ADGRG6: variants seen among roughly 807,000 people sequenced by gnomAD.
ADGRG6 encodes adhesion G protein-coupled receptor G6.
Under a neutral mutation model 142.4 loss-of-function variants are expected in ADGRG6, and 84 were observed. The observed-to-expected ratio is 0.59, with a 90% CI of 0.49 to 0.71. The LOEUF is 0.71. Ranked by LOEUF, ADGRG6 falls within the 30% of genes least tolerant of loss-of-function variation. The pLI is 0.00. For missense variants in ADGRG6, 1,367 were observed against 1,466.6 expected (o/e 0.93, Z 1.11); for synonymous variants, 521 against 520.5 (o/e 1.00, Z -0.01).
chr6:142,367,896 C>G lies in ADGRG6; in HGVS notation c.431C>G (p.Ala144Gly). The change falls in exon 3 of 25, where the codon GCC (alanine) becomes GGC (glycine). Residue 144 changes from alanine (A) to glycine (G), a missense_variant. By Grantham distance (60) the Ala-to-Gly change is moderately conservative. Coordinates refer to ENST00000367609, the MANE Select transcript of ADGRG6 (RefSeq NM_198569.3). ...AGCATCCAGAAGAAAGGTTTCAATGCCAGCTACATCAGAGGTATGTAAACC... is the reference window on the plus strand; with the variant it reads ...AGCATCCAGAAGAAAGGTTTCAATGGCAGCTACATCAGAGGTATGTAAACC... ...DFSIQKKGFN[A>G]SYIRVAVSLR... is the part of the protein sequence containing the mutation. 1 of 1,600,328 alleles carries G rather than the reference C, an allele frequency of 6.2e-7. No individual in the cohort carries two copies. The highest frequency in any genetic ancestry group is 1.1e-5 in the South Asian group (1 of 90,834).
intron 2 of ADGRG6, among the ~76,000 whole-genome samples, chr6:142,347,195 C>T (rs1278444661): frequency 6.6e-6 from 1 of 151,944 alleles, no homozygotes; most frequent in African/African-American, 2.4e-5. Context: ...TGTCACTGTC[C>T]AAGAGGGAAC....
intron 2 of ADGRG6, among the ~76,000 whole-genome samples, chr6:142,340,958 A>G (rs924195079): frequency 6.6e-6 from 1 of 152,066 alleles, no homozygotes; most frequent in Non-Finnish European, 1.5e-5. Context: ...ACTTGCATAG[A>G]AAATAATAGT....
At chr6:142,401,292 C>T (rs2115014161) in intron 11 of ADGRG6, among the ~76,000 whole-genome samples, 1 of 152,290 alleles carries the variant, frequency 6.6e-6, no homozygotes, top group African/African-American at 2.4e-5. Context: ...TCCATCTCTT[C>T]CTGGCTGTGA....
At chr6:142,371,484 G>GTTTTT (rs1273994234) in intron 4 of ADGRG6, among the ~76,000 whole-genome samples, 2 of 93,184 alleles carry the variant, frequency 2.1e-5, no homozygotes, top group South Asian at 3.2e-4. Context: ...GTTTTTTTTT[G>GTTTTT]TTTTTTTTTT....
At chr6:142,390,420 AT>A in intron 7 of ADGRG6, 77 bp downstream of exon 7, 1 of 741,268 alleles carries the variant, frequency 1.3e-6, no homozygotes, top group East Asian at 2.6e-5. Context: ...AGTTAACTGA[AT>A]CCACAGATCA....
chr6:142,338,632 T>C (rs1378100032), intron 2 of ADGRG6, among the ~76,000 whole-genome samples: 4 of 152,084 alleles, frequency 2.6e-5, no homozygotes, highest in Non-Finnish European at 5.9e-5. Flanking sequence ...ATTTATTTTC[T>C]TTGATATCAT....
intron 2 of ADGRG6, among the ~76,000 whole-genome samples, chr6:142,365,319 G>C (rs770785800): frequency 2.4e-4 from 37 of 152,140 alleles, no homozygotes; most frequent in Non-Finnish European, 4.4e-5. Context: ...TGGTTATACT[G>C]CATGGAGTCT....
intron 22 of ADGRG6, among the ~76,000 whole-genome samples, chr6:142,422,453 T>C (rs1776708135): frequency 6.6e-6 from 1 of 152,120 alleles, no homozygotes; most frequent in African/African-American, 2.4e-5. Context: ...CTGAGAATGA[T>C]GATTTCCAAT....
At position 142,314,089 on chromosome 6, in the gene ADGRG6, C is replaced by T. The variant is rs150692750; in HGVS notation, c.103+4445C>T. 7.9e-5 allele frequency among the ~76,000 whole-genome samples: 12 copies of T among 152,304 alleles called. No individual in the cohort carries two copies. In the East Asian group the frequency reaches 2.3e-3, roughly 29 times the overall value. Reference sequence around the variant, plus strand: ...TCTGTTTCAGACCTCAGATTAGCGTCAGTGTGAGTGAATAAAGTCTAGAAA... The same window carrying T: ...TCTGTTTCAGACCTCAGATTAGCGTTAGTGTGAGTGAATAAAGTCTAGAAA... On this transcript the variant is annotated intron_variant, in intron 2 of 24. Coordinates refer to ENST00000367609, the MANE Select transcript of ADGRG6 (RefSeq NM_198569.3).
In ADGRG6 at chr6:142,368,005, G is replaced by A. The variant is rs184039084; in HGVS notation, c.445+95G>A. On this transcript the variant is annotated intron_variant, in intron 3 of 24. Transcript: ENST00000367609. Reference sequence around the variant, plus strand: ...AGAAGACAGAGTTATGCTCTTTTATGTGAATGTGAATGATTAGGATTGGGA... The same window carrying A: ...AGAAGACAGAGTTATGCTCTTTTATATGAATGTGAATGATTAGGATTGGGA... 48 of 668,920 alleles carry A rather than the reference G, an allele frequency of 7.2e-5. No individual in the cohort carries two copies. In the East Asian group the frequency reaches 1.2e-3, roughly 17 times the overall value. The allele number at this position is 668,920 out of a possible 1,614,324, so 41.4% of individuals were successfully genotyped here.
chr6:142,329,609 C>T (rs915866125), intron 2 of ADGRG6, among the ~76,000 whole-genome samples: 6 of 152,074 alleles, frequency 3.9e-5, no homozygotes, highest in Non-Finnish European at 5.9e-5. Flanking sequence ...TCCCCCTTCC[C>T]TTAGTGAATA....
intron 22 of ADGRG6, among the ~76,000 whole-genome samples, chr6:142,423,430 C>A (rs1023040750): frequency 1.3e-5 from 2 of 152,134 alleles, no homozygotes; most frequent in Non-Finnish European, 2.9e-5. Flanking sequence ...ATAGGGAATC[C>A]TTTCCCCATT....
At chr6:142,347,957 T>A (rs1779988069) in intron 2 of ADGRG6, among the ~76,000 whole-genome samples, 1 of 152,196 alleles carries the variant, frequency 6.6e-6, no homozygotes, top group Non-Finnish European at 1.5e-5. Context: ...CCAACAGATT[T>A]AAAATCTAAA....
chr6:142,415,985 TC>T lies in ADGRG6; in HGVS notation c.2860del (p.His954ThrfsTer6). On this transcript the variant is annotated frameshift_variant, in exon 20 of 25. Transcript: ENST00000367609. LOFTEE classifies it high-confidence loss of function. ...TFTWMGLEAI[H>X]MYIALVKVFN... is the part of the protein sequence containing the mutation. The stretch of plus-strand genomic sequence containing the variant: ...TTACCTGGATGGGGCTAGAAGCAAT[TC>T]ACATGTACATTGCTCTAGTTAAAGT... 1 of 1,609,262 alleles carries T rather than the reference TC, an allele frequency of 6.2e-7. No individual in the cohort carries two copies. Among genetic ancestry groups the T allele is most frequent in the Non-Finnish European group, 8.5e-7 (1 of 1,175,670 alleles).
chr6:142,326,480 T>G (rs966989584), intron 2 of ADGRG6, among the ~76,000 whole-genome samples: 1 of 151,740 alleles, frequency 6.6e-6, no homozygotes, highest in Non-Finnish European at 1.5e-5. Flanking sequence ...ATTTACAATA[T>G]ACAATAGTGA....
chr6:142,334,264 C>T (rs1341255106), intron 2 of ADGRG6, among the ~76,000 whole-genome samples: 1 of 152,088 alleles, frequency 6.6e-6, no homozygotes, highest in Admixed American at 6.5e-5. Flanking sequence ...GAATCAAAAA[C>T]AGTGTTTGGC....
At position 142,347,491 on chromosome 6, in the gene ADGRG6, G is replaced by T. The variant is rs143972362; in HGVS notation, c.104-20078G>T. Among the ~76,000 whole-genome samples the T allele has an allele frequency of 3.8e-3, 584 of 152,256 alleles. 20 individuals are homozygous for T. The highest frequency in any genetic ancestry group is 0.035 in the Admixed American group (529 of 15,278). Reference sequence around the variant, plus strand: ...TGAGTGTGAATTAGAAGACTGAGATGAATCCAGTGTTTAATCTCATCAAAC... The same window carrying T: ...TGAGTGTGAATTAGAAGACTGAGATTAATCCAGTGTTTAATCTCATCAAAC... On this transcript the variant is annotated intron_variant, in intron 2 of 24. Coordinates refer to ENST00000367609, the MANE Select transcript of ADGRG6 (RefSeq NM_198569.3).
intron 22 of ADGRG6, among the ~76,000 whole-genome samples, chr6:142,430,917 A>G (rs1180925801): frequency 6.6e-6 from 1 of 152,142 alleles, no homozygotes; most frequent in Non-Finnish European, 1.5e-5. Flanking sequence ...CTCTAGGAGT[A>G]TTAGACAAGT....
chr6:142,321,877 C>T (rs181251628), intron 2 of ADGRG6, among the ~76,000 whole-genome samples: 30 of 152,198 alleles, frequency 2.0e-4, no homozygotes, highest in Admixed American at 1.8e-3. Flanking sequence ...TTAAAATATA[C>T]AAGTAATAGT....
Sources: gnomAD v4.1 joint callset for allele counts (sites outside exome capture counted in the v4.1 genomes callset) on GRCh38, gnomAD v4.1.1 for gene constraint, MANE v1.5 for transcripts, NCBI Gene and HGNC (gene_info 2026-07-23, HGNC 2026-07-21) for gene names.